The following MYOM2 variants were observed in gnomAD, a reference collection of about 807,000 sequenced individuals.
The protein encoded by MYOM2 is myomesin 2.
A neutral mutation model predicts 187.6 loss-of-function variants in MYOM2; 254 were observed. That is an observed-to-expected ratio of 1.35 (90% confidence interval 1.22 to 1.50). The LOEUF (loss-of-function observed/expected upper bound fraction) is 1.50, where lower values mean the gene tolerates loss of function less well. MYOM2 is among the 40% of genes most tolerant of loss of function. MYOM2 has a pLI of 0.00. For synonymous variants in MYOM2, 981 were observed against 753.8 expected, an observed-to-expected ratio of 1.30 and a Z score of -4.94; for missense variants, 2,796 against 1,924.0, an observed-to-expected ratio of 1.45 and a Z score of -8.48.
At chr8:2,098,694 G>A (rs1223963401) in intron 18 of MYOM2, among the ~76,000 whole-genome samples, 163 bp from the exon 19 acceptor site, 3 of 152,180 alleles carry the variant, frequency 2.0e-5, no homozygotes, top group East Asian at 3.9e-4. Flanking sequence ...GCTGCAGCTC[G>A]TCGGCCACAT....
At chr8:2,143,241 T>G in intron 35 of MYOM2, 160 bp from the exon 36 acceptor site, 1 of 814,552 alleles carries the variant, frequency 1.2e-6, no homozygotes, top group Non-Finnish European at 2.0e-6. Context: ...GGTTTATCCC[T>G]CAACTGTAAA....
intron 13 of MYOM2, among the ~76,000 whole-genome samples, chr8:2,080,203 A>G (rs775809093): frequency 1.8e-4 from 27 of 152,254 alleles, no homozygotes; most frequent in Non-Finnish European, 3.2e-4. Flanking sequence ...TAGAGTTCAT[A>G]GAGTGCCATG....
chr8:2,068,943 C>T (rs1417663476), intron 6 of MYOM2, among the ~76,000 whole-genome samples: 3 of 152,180 alleles, frequency 2.0e-5, no homozygotes, highest in Non-Finnish European at 2.9e-5. Flanking sequence ...GATGAAACCG[C>T]GCATTCCATA....
At chr8:2,065,932 A>G (rs1819004744) in intron 6 of MYOM2, among the ~76,000 whole-genome samples, 1 of 152,168 alleles carries the variant, frequency 6.6e-6, no homozygotes, top group South Asian at 2.1e-4. Flanking sequence ...CACACGGGGG[A>G]GATTCCAGTT....
intron 10 of MYOM2, among the ~76,000 whole-genome samples, 168 bp downstream of exon 10, chr8:2,073,668 AGG>A: frequency 6.6e-6 from 1 of 152,360 alleles, no homozygotes. Flanking sequence ...TGGGCACGCC[AGG>A]TGCTTCCTGC....
chr8:2,052,155 A>T lies in MYOM2; in HGVS notation c.108-3A>T. The T allele has an allele frequency of 6.2e-7, 1 of 1,613,004 alleles. No homozygotes were observed. The highest frequency in any genetic ancestry group is 8.5e-7 in the Non-Finnish European group (1 of 1,179,594). On this transcript the variant is annotated splice_polypyrimidine_tract_variant and splice_region_variant and intron_variant, in intron 2 of 36. Transcript: ENST00000262113. ...TCTCCTAATCGTGTCCATGTTCCTG[A>T]AGGCGAGCTTCCACCCAGGCATCTT... is the stretch of plus-strand genomic sequence containing the variant.
At chr8:2,088,917 T>G (rs899168230) in intron 14 of MYOM2, among the ~76,000 whole-genome samples, 1 of 152,236 alleles carries the variant, frequency 6.6e-6, no homozygotes, top group South Asian at 2.1e-4. Flanking sequence ...CATATTCTGA[T>G]GTAGGAGAGG....
chr8:2,052,428 G>A, intron 3 of MYOM2, 115 bp downstream of exon 3: 1 of 1,146,232 alleles, frequency 8.7e-7, no homozygotes, highest in Middle Eastern at 3.0e-4. Context: ...AAGGAACACA[G>A]GCCATGCCTG....
intron 14 of MYOM2, among the ~76,000 whole-genome samples, chr8:2,089,779 A>C (rs1293000773): frequency 6.6e-6 from 1 of 152,184 alleles, no homozygotes; most frequent in East Asian, 1.9e-4. Flanking sequence ...ATGGAAAAAA[A>C]TTTATTAGTA....
At chr8:2,105,741 C>G (rs1585915834) in intron 21 of MYOM2, among the ~76,000 whole-genome samples, 1 of 152,346 alleles carries the variant, frequency 6.6e-6, no homozygotes, top group South Asian at 2.1e-4. Flanking sequence ...AGTGTTTTCT[C>G]TCTCACGATT....
In MYOM2 at chr8:2,141,129, A is replaced by G. The variant is rs1168338387; in HGVS notation, c.3965-12A>G. 11 of 1,611,024 alleles carry G rather than the reference A, an allele frequency of 6.8e-6. No individual in the cohort carries two copies. Among genetic ancestry groups the G allele is most frequent in the African/African-American group, 2.7e-5 (2 of 74,920 alleles). On this transcript the variant is annotated splice_polypyrimidine_tract_variant and intron_variant, in intron 33 of 36. Coordinates refer to ENST00000262113, the MANE Select transcript of MYOM2 (RefSeq NM_003970.4). The stretch of plus-strand genomic sequence containing the variant: ...TGAAATGGTTAGTAACGTATGAACT[A>G]TTTCCTCACAGCTTTTGATGAAGCA...
Position 2,073,276 on chromosome 8 carries a change from G to C in MYOM2, c.959-63G>C, listed in dbSNP as rs557270555. Reference sequence around the variant, plus strand: ...GCTCTGAGACGACGCTGGTGTCCCCGAGGCTTTCTTTGCCTGCTGGGGTGA... The same window carrying C: ...GCTCTGAGACGACGCTGGTGTCCCCCAGGCTTTCTTTGCCTGCTGGGGTGA... On this transcript the variant is annotated intron_variant, in intron 9 of 36. Transcript: ENST00000262113. The C allele has an allele frequency of 3.2e-5, 49 of 1,549,898 alleles. No homozygotes were observed. In the South Asian group the frequency reaches 5.1e-4, roughly 16 times the overall value.
At chr8:2,064,391 G>T (rs1234928329) in intron 6 of MYOM2, among the ~76,000 whole-genome samples, 1 of 152,206 alleles carries the variant, frequency 6.6e-6, no homozygotes, top group African/African-American at 2.4e-5. Flanking sequence ...TGCCCACCGT[G>T]GGGGTGACCG....
chr8:2,130,780 GT>G (rs1554435069), intron 32 of MYOM2, among the ~76,000 whole-genome samples: 2 of 152,198 alleles, frequency 1.3e-5, no homozygotes, highest in Non-Finnish European at 2.9e-5. Context: ...TTAAAGGACT[GT>G]GATAACAGGA....
chr8:2,068,805 C>T (rs1011464190), intron 6 of MYOM2, among the ~76,000 whole-genome samples: 1 of 152,178 alleles, frequency 6.6e-6, no homozygotes, highest in East Asian at 1.9e-4. Flanking sequence ...AGCACTCTGC[C>T]TTCTCCTCTG....
intron 13 of MYOM2, among the ~76,000 whole-genome samples, chr8:2,083,925 G>A (rs751698002): frequency 2.6e-5 from 4 of 152,214 alleles, no homozygotes; most frequent in African/African-American, 4.8e-5. Context: ...TACATGCAGG[G>A]GCAAAGGCAG....
chr8:2,126,759 T>G (rs1585953264), intron 31 of MYOM2, among the ~76,000 whole-genome samples: 2 of 49,064 alleles, frequency 4.1e-5, no homozygotes, highest in Non-Finnish European at 7.5e-5. Context: ...TGGGGGAGGA[T>G]GGGGGAGTAC....
At chr8:2,048,753 TTTTA>T (rs772929748) in intron 1 of MYOM2, among the ~76,000 whole-genome samples, 130 of 151,214 alleles carry the variant, frequency 8.6e-4, no homozygotes, top group African/African-American at 3.0e-3. Flanking sequence ...GGAGATATGC[TTTTA>T]TTTATTTATT....
chr8:2,100,974 T>C lies in MYOM2; in HGVS notation c.2539T>C (p.Tyr847His), dbSNP rs779958023. The change falls in exon 20 of 37, where the codon TAT (tyrosine) becomes CAT (histidine). Residue 847 changes from tyrosine to histidine, a missense_variant. Tyr to His is a moderately conservative substitution (Grantham distance 83). Coordinates refer to ENST00000262113, the MANE Select transcript of MYOM2 (RefSeq NM_003970.4). ...VYSGSSPVSG[Y>H]FVDFREEDAG... ...CTCCGGCAGCAGCCCTGTTTCTGGA[T>C]ATTTCGTGGACTTCAGGGAGGAGGA... The C allele has an allele frequency of 1.2e-6, 2 of 1,614,198 alleles. No homozygotes were observed. Among genetic ancestry groups the C allele is most frequent in the South Asian group, 1.1e-5 (1 of 91,088 alleles).
Sources: allele counts gnomAD v4.1 joint callset (sites outside exome capture counted in the v4.1 genomes callset), GRCh38; gene constraint gnomAD v4.1.1; transcripts MANE v1.5; gene names NCBI Gene and HGNC (gene_info 2026-07-23, HGNC 2026-07-21).